ARPC1A: variants seen among roughly 807,000 people sequenced by gnomAD.
ARPC1A encodes actin related protein 2/3 complex subunit 1A, also known as actin-related protein 2/3 complex subunit 1A.
A neutral mutation model predicts 46.9 loss-of-function variants in ARPC1A; 8 were observed. That is an observed-to-expected ratio of 0.17 (90% CI 0.10 to 0.31). The LOEUF is 0.31. Among genes scored for constraint, ARPC1A ranks in the 10% least tolerant of loss-of-function variants. The probability of loss-of-function intolerance (pLI) is 1.00; values close to 1 mark genes in which losing one functional copy is unlikely to be tolerated. For missense variants in ARPC1A, 286 were observed against 483.6 expected (o/e 0.59, Z 3.83); for synonymous variants, 152 against 169.0 (o/e 0.90, Z 0.78).
Position 99,325,908 on chromosome 7 carries a change from C to T in ARPC1A, c.-126C>T, listed in dbSNP as rs985919124. 2 of 152,608 alleles carry T rather than the reference C, an allele frequency of 1.3e-5. No homozygotes were observed. The highest frequency in any genetic ancestry group is 6.5e-5 in the Admixed American group (1 of 15,294). 9.5% of individuals were successfully genotyped at this position (152,608 alleles called of 1,614,324 possible). A position where few individuals can be genotyped will look rare whatever the true frequency, so the allele number is the denominator to read the frequency against. ...TCTGTCAGCCGCTCCCTCTGGGCTT[C>T]CGTCCTCCGCCCGCGCCCGACGGAG... On this transcript the variant is annotated 5_prime_UTR_variant, in exon 1 of 10. Coordinates refer to ENST00000262942, the MANE Select transcript of ARPC1A (RefSeq NM_006409.4).
rs376031085 is a variant in ARPC1A, at chr7:99,333,294, A to G, written c.-29-31A>G. ...TGGTTACTTGCCTTTTCCCTATTGT[A>G]TAAAATGCTTTTTGTTATTGTTCAT... On this transcript the variant is annotated intron_variant, in intron 1 of 9. Transcript: ENST00000262942. 7.7e-6 allele frequency: 11 copies of G among 1,428,938 alleles called. No individual in the cohort carries two copies. In the South Asian group the frequency reaches 8.1e-5, roughly 11 times the overall value. 88.5% of individuals were successfully genotyped at this position (1,428,938 alleles called of 1,614,324 possible).
chr7:99,337,496 G>A (rs908424299), intron 2 of ARPC1A, among the ~76,000 whole-genome samples: 1 of 152,156 alleles, frequency 6.6e-6, no homozygotes, highest in East Asian at 1.9e-4. Flanking sequence ...CCTTTTGAGT[G>A]TCATGTTGAT....
chr7:99,341,935 G>A (rs1793363720), intron 3 of ARPC1A, among the ~76,000 whole-genome samples: 1 of 152,104 alleles, frequency 6.6e-6, no homozygotes, highest in Non-Finnish European at 1.5e-5. Context: ...AAGCATTCTA[G>A]AAGAAAAAAC....
At chr7:99,336,481 ATTTTTTT>A (rs757908410) in intron 2 of ARPC1A, among the ~76,000 whole-genome samples, 26 of 103,186 alleles carry the variant, frequency 2.5e-4, no homozygotes, top group East Asian at 3.5e-4. Flanking sequence ...ATAGGTCTTA[ATTTTTTT>A]TTTTTTTTTT....
At chr7:99,351,289 C>T (rs1793539165) in intron 5 of ARPC1A, among the ~76,000 whole-genome samples, 1 of 152,148 alleles carries the variant, frequency 6.6e-6, no homozygotes, top group African/African-American at 2.4e-5. Flanking sequence ...TCCTGGCTCA[C>T]TGCAACCTCT....
At chr7:99,332,373 A>C (rs895728804) in intron 1 of ARPC1A, among the ~76,000 whole-genome samples, 1 of 152,172 alleles carries the variant, frequency 6.6e-6, no homozygotes, top group Non-Finnish European at 1.5e-5. Context: ...AGTTAGATTG[A>C]TCCACTATTT....
intron 2 of ARPC1A, chr7:99,335,395 G>T: frequency 2.2e-6 from 1 of 444,916 alleles, no homozygotes; most frequent in Non-Finnish European, 4.5e-6. Flanking sequence ...AAAGATGAGA[G>T]TTTATTTCTG....
intron 9 of ARPC1A, among the ~76,000 whole-genome samples, chr7:99,364,728 A>G (rs1211916326): frequency 6.6e-6 from 1 of 152,172 alleles, no homozygotes; most frequent in Non-Finnish European, 1.5e-5. Flanking sequence ...GTTTAACTAT[A>G]TAGATATATA....
intron 2 of ARPC1A, 93 bp downstream of exon 2, chr7:99,333,510 A>C: frequency 9.2e-7 from 1 of 1,083,968 alleles, no homozygotes; most frequent in Non-Finnish European, 1.4e-6. Context: ...TCAGTATCAC[A>C]TGTGCAAAGA....
At chr7:99,349,561 G>A (rs770786387) in intron 5 of ARPC1A, among the ~76,000 whole-genome samples, 29 of 151,078 alleles carry the variant, frequency 1.9e-4, no homozygotes, top group East Asian at 9.8e-4. Flanking sequence ...AAAAGAGGCC[G>A]GGCGCAGTAG....
At chr7:99,364,370 T>A (rs1742693230) in intron 9 of ARPC1A, among the ~76,000 whole-genome samples, 1 of 151,306 alleles carries the variant, frequency 6.6e-6, no homozygotes, top group South Asian at 2.1e-4. Flanking sequence ...CCTCTGGGGT[T>A]CAAGCGATTC....
intron 8 of ARPC1A, among the ~76,000 whole-genome samples, chr7:99,362,337 T>C (rs199659233): frequency 0.19 from 22,335 of 115,262 alleles, 2,759 homozygotes; most frequent in East Asian, 0.4. Flanking sequence ...CCCGCCCCCC[T>C]TTTTTTTTTT....
chr7:99,333,117 G>C (rs747645980), intron 1 of ARPC1A, among the ~76,000 whole-genome samples: 1 of 152,118 alleles, frequency 6.6e-6, no homozygotes, highest in Non-Finnish European at 1.5e-5. Context: ...GGCTGGTCTT[G>C]AACTCCTGAC....
At chr7:99,341,915 A>G (rs1216387778) in intron 3 of ARPC1A, among the ~76,000 whole-genome samples, 2 of 152,188 alleles carry the variant, frequency 1.3e-5, no homozygotes, top group Non-Finnish European at 2.9e-5. Context: ...GGGGAAAAAA[A>G]TATTTTCTGA....
At chr7:99,333,237 A>G in intron 1 of ARPC1A, 88 bp from the exon 2 acceptor site, 1 of 826,214 alleles carries the variant, frequency 1.2e-6, no homozygotes, top group Non-Finnish European at 2.0e-6. Flanking sequence ...TTTATTTCCG[A>G]ACATCTTAAG....
At chr7:99,326,816 A>G (rs558989688) in intron 1 of ARPC1A, among the ~76,000 whole-genome samples, 5 of 151,876 alleles carry the variant, frequency 3.3e-5, no homozygotes, top group Admixed American at 6.6e-5. Flanking sequence ...TTCCTTTTCT[A>G]TCTCCTCCAC....
In ARPC1A at chr7:99,359,586, C is replaced by T. The variant is rs143044515; in HGVS notation, c.831C>T (p.Arg277=). The part of the protein sequence containing the change: ...CCPMLFNYDD[R]GCLTFVSKLD... ...CAATGCTCTTTAACTACGATGACCG[C>T]GGCTGCCTGACCTTCGTCTCCAAGT... The change falls in exon 8 of 10, where the codon CGC becomes CGT. Residue 277 remains arginine, a synonymous_variant. Transcript: ENST00000262942. 4.0e-5 allele frequency: 64 copies of T among 1,614,018 alleles called. No individual in the cohort carries two copies. In the Middle Eastern group the frequency reaches 4.9e-4, roughly 12 times the overall value.
intron 2 of ARPC1A, chr7:99,335,391 G>A (rs935027947): frequency 6.8e-6 from 3 of 443,226 alleles, no homozygotes; most frequent in South Asian, 1.6e-5. Flanking sequence ...CTGTAAAGAT[G>A]AGAGTTTATT....
At chr7:99,343,547 A>G (rs1406178888) in intron 3 of ARPC1A, among the ~76,000 whole-genome samples, 2 of 152,182 alleles carry the variant, frequency 1.3e-5, no homozygotes. Flanking sequence ...TGCTCTTGGT[A>G]TATAAGAAAC....
Sources: allele counts gnomAD v4.1 joint callset (sites outside exome capture counted in the v4.1 genomes callset), GRCh38; gene constraint gnomAD v4.1.1; transcripts MANE v1.5; gene names NCBI Gene and HGNC (gene_info 2026-07-23, HGNC 2026-07-21).